YARS1: variants seen among roughly 807,000 people sequenced by gnomAD.
YARS1 encodes tyrosine--tRNA ligase, cytoplasmic.
In YARS1, 36 loss-of-function variants were observed where a neutral mutation model predicts 62.2. The observed-to-expected ratio is 0.58, with a 90% CI of 0.44 to 0.76. YARS1 has a LOEUF of 0.76. Among genes scored for constraint, YARS1 ranks in the 30% least tolerant of loss-of-function variants. YARS1 has a pLI of 0.00. For synonymous variants in YARS1, 234 were observed against 244.9 expected (o/e 0.96, Z 0.42); for missense variants, 524 against 639.8 (o/e 0.82, Z 1.95).
At chr1:32,795,267 C>T (rs1479181262) in intron 5 of YARS1, among the ~76,000 whole-genome samples, 2 of 151,604 alleles carry the variant, frequency 1.3e-5, no homozygotes, top group African/African-American at 2.4e-5. Flanking sequence ...TGCAGTGAGC[C>T]GAGATGGCGC....
chr1:32,791,325 G>T, intron 5 of YARS1, 71 bp from the exon 6 acceptor site: 3 of 1,233,024 alleles, frequency 2.4e-6, no homozygotes, highest in South Asian at 1.2e-5. Context: ...GATCTCATCT[G>T]ACTTGGCCAG....
chr1:32,787,869 C>T (rs966848383), intron 6 of YARS1, among the ~76,000 whole-genome samples: 2 of 152,140 alleles, frequency 1.3e-5, no homozygotes, highest in African/African-American at 2.4e-5. Context: ...GTAGTCTTAT[C>T]ACTTTGGGAG....
chr1:32,816,396 C>G (rs1322589397), intron 1 of YARS1, among the ~76,000 whole-genome samples: 1 of 151,558 alleles, frequency 6.6e-6, no homozygotes, highest in East Asian at 1.9e-4. Flanking sequence ...GAAACAATAA[C>G]AAAAAAAAGG....
Position 32,780,068 on chromosome 1 carries a change from T to G in YARS1, c.1334+17A>C, listed in dbSNP as rs754110699. ...GGCCTCCCCAGGTCCTGTGCCCCACTCCAAGTCCTCACTCACATAGAAGCA... is the reference window on the plus strand; with the variant it reads ...GGCCTCCCCAGGTCCTGTGCCCCACGCCAAGTCCTCACTCACATAGAAGCA... On this transcript the variant is annotated intron_variant, in intron 11 of 12. Transcript: ENST00000373477. The G allele has an allele frequency of 5.4e-5, 87 of 1,613,786 alleles. No homozygotes were observed. Among genetic ancestry groups the G allele is most frequent in the Non-Finnish European group, 7.1e-5 (84 of 1,179,972 alleles).
Position 32,776,153 on chromosome 1 carries a change from T to C in YARS1, c.1477-62A>G, listed in dbSNP as rs1652852250. 1.5e-5 allele frequency: 21 copies of C among 1,382,956 alleles called. No homozygotes were observed. Among genetic ancestry groups the C allele is most frequent in the Middle Eastern group, 1.8e-4 (1 of 5,486 alleles). 85.7% of individuals were successfully genotyped at this position (1,382,956 alleles called of 1,614,324 possible). On this transcript the variant is annotated intron_variant, in intron 12 of 12. Transcript: ENST00000373477. The surrounding 1 kb of genome is among the most constrained non-coding windows in gnomAD (Gnocchi z 4.0). ...GGTGGGACTGCAAGAAAACCCCCCC[T>C]TTTTTGGAGGGGGGGCAGAGTTTTG...
intron 5 of YARS1, among the ~76,000 whole-genome samples, chr1:32,795,406 T>A (rs1400867778): frequency 6.6e-6 from 1 of 152,176 alleles, no homozygotes; most frequent in Non-Finnish European, 1.5e-5. Context: ...CTTGCATTGT[T>A]GGGCAGTGGT....
At chr1:32,794,857 T>C (rs1361380639) in intron 5 of YARS1, among the ~76,000 whole-genome samples, 1 of 150,166 alleles carries the variant, frequency 6.7e-6, no homozygotes, top group Non-Finnish European at 1.5e-5. Context: ...AATACAAAAA[T>C]TAGCTGGACA....
At chr1:32,814,978 G>A (rs551659665) in intron 1 of YARS1, among the ~76,000 whole-genome samples, 47 of 152,268 alleles carry the variant, frequency 3.1e-4, no homozygotes, top group African/African-American at 1.1e-3. Flanking sequence ...GATCCCGCAT[G>A]CTCAAGAGCA....
chr1:32,797,755 ACACT>A lies in YARS1; in HGVS notation c.591+4_591+7del, dbSNP rs1653651607. On this transcript the variant is annotated splice_donor_5th_base_variant and intron_variant, in intron 5 of 12. Coordinates refer to ENST00000373477, the MANE Select transcript of YARS1 (RefSeq NM_003680.4). ...CAAGTGAAAAAAGACAGGAAAGCAGACACTCACCTTCTCTGCAAAGGTGAAAATC... is the reference window on the plus strand; with the variant it reads ...CAAGTGAAAAAAGACAGGAAAGCAGACACCTTCTCTGCAAAGGTGAAAATC... 21 of 1,613,754 alleles carry A rather than the reference ACACT, an allele frequency of 1.3e-5. No individual in the cohort carries two copies. The highest frequency in any genetic ancestry group is 1.8e-5 in the Non-Finnish European group (21 of 1,179,658).
Position 32,779,504 on chromosome 1 carries a change from C to A in YARS1, c.1354G>T (p.Val452Phe), listed in dbSNP as rs1652986230. The A allele has an allele frequency of 6.2e-7, 1 of 1,614,088 alleles. No individual in the cohort carries two copies. Among genetic ancestry groups the A allele is most frequent in the African/African-American group, 1.3e-5 (1 of 74,928 alleles). The change falls in exon 12 of 13, where the codon GTT becomes TTT. Residue 452 changes from valine (V) to phenylalanine (F), a missense_variant. Coordinates refer to ENST00000373477, the MANE Select transcript of YARS1 (RefSeq NM_003680.4). Reference sequence around the variant, plus strand: ...CCTGCCGGAGGGTCCAGAGGTTCAACCTGGCGGTTTATCCCTTCTCTGGGA... The same window carrying A: ...CCTGCCGGAGGGTCCAGAGGTTCAAACTGGCGGTTTATCCCTTCTCTGGGA... ...CASIEGINRQVEPLDPPAGSA... is the reference protein window; with the variant it reads ...CASIEGINRQFEPLDPPAGSA...
intron 4 of YARS1, among the ~76,000 whole-genome samples, chr1:32,798,593 T>C (rs1653677592): frequency 6.6e-6 from 1 of 152,122 alleles, no homozygotes; most frequent in East Asian, 1.9e-4. Context: ...TCCCAGCACT[T>C]TGGGAGGCTG....
chr1:32,796,225 A>C (rs1653575944), intron 5 of YARS1, among the ~76,000 whole-genome samples: 1 of 151,672 alleles, frequency 6.6e-6, no homozygotes, highest in Non-Finnish European at 1.5e-5. Flanking sequence ...GAACCTGGGA[A>C]ACAGAGGTTG....
At chr1:32,795,384 G>C (rs974332063) in intron 5 of YARS1, among the ~76,000 whole-genome samples, 1 of 152,192 alleles carries the variant, frequency 6.6e-6, no homozygotes, top group African/African-American at 2.4e-5. Context: ...GAAAAATGTA[G>C]TAAAACTGTT....
intron 1 of YARS1, among the ~76,000 whole-genome samples, chr1:32,814,666 C>T (rs564227466): frequency 2.6e-5 from 4 of 152,210 alleles, no homozygotes; most frequent in East Asian, 3.9e-4. Context: ...TTGGGATTAC[C>T]GGCATGAGCC....
chr1:32,806,578 G>C lies in YARS1; in HGVS notation c.414C>G (p.Ser138=). 1 of 1,614,140 alleles carries C rather than the reference G, an allele frequency of 6.2e-7. No individual in the cohort carries two copies. The highest frequency in any genetic ancestry group is 8.5e-7 in the Non-Finnish European group (1 of 1,180,030). The change falls in exon 4 of 13, where the codon TCC becomes TCG. Residue 138 remains serine (S), a synonymous_variant. Coordinates refer to ENST00000373477, the MANE Select transcript of YARS1 (RefSeq NM_003680.4). The stretch of plus-strand genomic sequence containing the variant: ...TCTTGGAATCGTGCTGTGTGACCAC[G>C]GAGGAGAGTCTGTACACATCTAGTG... ...EYTLDVYRLS[S]VVTQHDSKKA...
intron 5 of YARS1, among the ~76,000 whole-genome samples, chr1:32,796,965 CAAAAA>C (rs71578193): frequency 4.5e-3 from 12 of 2,658 alleles, no homozygotes; most frequent in Admixed American, 8.8e-3. Flanking sequence ...AACTCAGTCT[CAAAAA>C]AAAAAAAAAA....
intron 4 of YARS1, among the ~76,000 whole-genome samples, chr1:32,804,346 G>A (rs984094587): frequency 2.0e-5 from 3 of 147,628 alleles, no homozygotes; most frequent in Middle Eastern, 4.4e-3. Context: ...CTCCCTCCCG[G>A]ACGGGGTGGC....
At chr1:32,815,735 G>A (rs904158661) in intron 1 of YARS1, among the ~76,000 whole-genome samples, 1 of 152,244 alleles carries the variant, frequency 6.6e-6, no homozygotes, top group Admixed American at 6.5e-5. Context: ...TGGAGACAGA[G>A]AGTAGATTAG....
chr1:32,775,911 A>C lies in YARS1; in HGVS notation c.*70T>G. ...GTCCTGAGAGATGGGTAAATGGGTG[A>C]TGGATGGAGCAGACTGAAGAGACAG... is the stretch of plus-strand genomic sequence containing the variant. On this transcript the variant is annotated 3_prime_UTR_variant, in exon 13 of 13. Coordinates refer to ENST00000373477, the MANE Select transcript of YARS1 (RefSeq NM_003680.4). 7.3e-7 allele frequency: 1 copy of C among 1,365,376 alleles called. No homozygotes were observed. The highest frequency in any genetic ancestry group is 1.0e-6 in the Non-Finnish European group (1 of 956,548). 84.6% of individuals were successfully genotyped at this position (1,365,376 alleles called of 1,614,324 possible). A position where few individuals can be genotyped will look rare whatever the true frequency, so the allele number is the denominator to read the frequency against.
Sources: gnomAD v4.1 joint callset for allele counts (sites outside exome capture counted in the v4.1 genomes callset) on GRCh38, gnomAD v4.1.1 for gene constraint, Gnocchi (gnomAD v3.1) non-coding constraint, MANE v1.5 for transcripts, NCBI Gene and HGNC (gene_info 2026-07-23, HGNC 2026-07-21) for gene names.